The following SMIM13 variants were observed in gnomAD, a reference collection of about 807,000 sequenced individuals.
SMIM13 encodes small integral membrane protein 13, also known as UPF0766 protein C6orf228.
SMIM13 carries 3 observed loss-of-function variants against 5.9 expected under a neutral mutation model. The observed-to-expected ratio is 0.51, with a 90% CI of 0.23 to 1.31. The LOEUF is 1.31. SMIM13 is among the 40% of genes most tolerant of loss of function. The pLI is 0.18. For synonymous variants in SMIM13, 55 were observed against 46.0 expected (o/e 1.19, Z -0.79); for missense variants, 85 against 109.9 (o/e 0.77, Z 1.01).
intron 1 of SMIM13, among the ~76,000 whole-genome samples, chr6:11,123,516 G>A (rs908191150): frequency 1.3e-5 from 2 of 152,152 alleles, no homozygotes; most frequent in African/African-American, 4.8e-5. Context: ...TACCATAGAT[G>A]AATAGATTTT....
chr6:11,101,203 G>A (rs116061494), intron 1 of SMIM13, among the ~76,000 whole-genome samples: 2,238 of 152,068 alleles, frequency 0.015, 23 homozygotes, highest in Non-Finnish European at 0.024. Context: ...TTTAATTTTA[G>A]CTGTCCAGTT....
Position 11,110,772 on chromosome 6 carries a change from T to C in SMIM13, c.76+16383T>C, listed in dbSNP as rs545712302. ...AGAGGGCAACGTTTATTTGCCCTCT[T>C]GATATAAAGGAGGAACCTCTGGAGG... is the stretch of plus-strand genomic sequence containing the variant. On this transcript the variant is annotated intron_variant, in intron 1 of 1. Coordinates refer to ENST00000416247, the MANE Select transcript of SMIM13 (RefSeq NM_001135575.2). Among the ~76,000 whole-genome samples, 30 of 152,220 alleles carry C rather than the reference T, an allele frequency of 2.0e-4. No individual in the cohort carries two copies. The South Asian group carries it at 6.2e-3, about 32-fold the overall frequency.
intron 1 of SMIM13, among the ~76,000 whole-genome samples, chr6:11,108,240 T>A (rs1416183618): frequency 6.6e-6 from 1 of 152,172 alleles, no homozygotes; most frequent in Non-Finnish European, 1.5e-5. Flanking sequence ...GGAGGATAAT[T>A]GCCTGGGAAA....
At chr6:11,107,372 G>T (rs1758102450) in intron 1 of SMIM13, among the ~76,000 whole-genome samples, 1 of 152,212 alleles carries the variant, frequency 6.6e-6, no homozygotes, top group African/African-American at 2.4e-5. Context: ...GTTTGGACTA[G>T]ATGTTGGATT....
chr6:11,112,009 A>G lies in SMIM13; in HGVS notation c.76+17620A>G, dbSNP rs188829761. On this transcript the variant is annotated intron_variant, in intron 1 of 1. Coordinates refer to ENST00000416247, the MANE Select transcript of SMIM13 (RefSeq NM_001135575.2). ...TGAGCCCACTTGCCCAGCTTCGGAGATCTTATCAGGAAGTTGCTGATCACC... is the reference window on the plus strand; with the variant it reads ...TGAGCCCACTTGCCCAGCTTCGGAGGTCTTATCAGGAAGTTGCTGATCACC... Among the ~76,000 whole-genome samples, 115 of 152,144 alleles carry G rather than the reference A, an allele frequency of 7.6e-4. 1 individual carries two copies. The highest frequency in any genetic ancestry group is 2.4e-3 in the African/African-American group (101 of 41,498).
At chr6:11,131,392 T>A (rs902887146) in intron 1 of SMIM13, among the ~76,000 whole-genome samples, 6 of 151,964 alleles carry the variant, frequency 3.9e-5, no homozygotes, top group African/African-American at 1.4e-4. Context: ...CTGTCAAAAT[T>A]CTTGATGCCA....
intron 1 of SMIM13, among the ~76,000 whole-genome samples, chr6:11,108,512 T>G (rs28712814): frequency 0.22 from 32,817 of 152,064 alleles, 3,894 homozygotes; most frequent in African/African-American, 0.31. Flanking sequence ...TGGGGGTGGG[T>G]GTCCCCATCA....
chr6:11,125,103 C>A (rs941595626), intron 1 of SMIM13, among the ~76,000 whole-genome samples: 7 of 151,264 alleles, frequency 4.6e-5, no homozygotes, highest in Non-Finnish European at 7.4e-5. Context: ...CATGGTGAAA[C>A]CCCATCTCTA....
rs1415638733 is a variant in SMIM13 at position 11,136,762 on chromosome 6, T to A, written c.*2160T>A. 6.6e-6 allele frequency: 1 copy of A among 152,040 alleles called. No individual in the cohort carries two copies. Among genetic ancestry groups the A allele is most frequent in the Non-Finnish European group, 1.5e-5 (1 of 67,986 alleles). 9.4% of individuals were successfully genotyped at this position (152,040 alleles called of 1,614,324 possible). ...TAGGGCATAACAAAACAGTGACAGTTTCAAGCGTTAATTTTAATGCTTCCT... is the reference window on the plus strand; with the variant it reads ...TAGGGCATAACAAAACAGTGACAGTATCAAGCGTTAATTTTAATGCTTCCT... On this transcript the variant is annotated 3_prime_UTR_variant, in exon 2 of 2. Coordinates refer to ENST00000416247, the MANE Select transcript of SMIM13 (RefSeq NM_001135575.2).
At chr6:11,097,506 A>AAG (rs1008174339) in intron 1 of SMIM13, among the ~76,000 whole-genome samples, 2 of 151,622 alleles carry the variant, frequency 1.3e-5, no homozygotes, top group African/African-American at 4.9e-5. Flanking sequence ...AAAAAAAAAA[A>AAG]GAATACCAAA....
At chr6:11,104,790 T>A (rs1464309883) in intron 1 of SMIM13, 1 of 1,614,196 alleles carries the variant, frequency 6.2e-7, no homozygotes, top group Non-Finnish European at 8.5e-7. Flanking sequence ...ATTTGGAGGT[T>A]TGGGGAATCT....
chr6:11,121,227 C>T (rs1758305367), intron 1 of SMIM13, among the ~76,000 whole-genome samples: 1 of 152,174 alleles, frequency 6.6e-6, no homozygotes, highest in African/African-American at 2.4e-5. Flanking sequence ...CTTTGCCCCT[C>T]ACCTCTCCTT....
intron 1 of SMIM13, among the ~76,000 whole-genome samples, chr6:11,112,316 A>G (rs576333440): frequency 3.3e-5 from 5 of 152,072 alleles, no homozygotes; most frequent in Admixed American, 2.6e-4. Context: ...CAGTGATGCA[A>G]TCTTGGCTCA....
chr6:11,093,849 G>A lies in SMIM13; in HGVS notation c.-465G>A, dbSNP rs922568242. Among the ~76,000 whole-genome samples the A allele has an allele frequency of 2.6e-5, 4 of 152,250 alleles. No individual in the cohort carries two copies. The highest frequency in any genetic ancestry group is 2.9e-5 in the Non-Finnish European group (2 of 68,042). On this transcript the variant is annotated 5_prime_UTR_variant, in exon 1 of 2. Transcript: ENST00000416247. ...GGCCTGGGGCGGAGAAGCCGCTACA[G>A]CCGCGGCCGGGCGACGCTGACATCT...
intron 1 of SMIM13, among the ~76,000 whole-genome samples, chr6:11,109,420 G>A (rs1382731964): frequency 6.6e-6 from 1 of 152,168 alleles, no homozygotes; most frequent in Non-Finnish European, 1.5e-5. Context: ...GGGAGGAGAA[G>A]GCTTCTGGGA....
intron 1 of SMIM13, among the ~76,000 whole-genome samples, chr6:11,132,262 G>A (rs1758459316): frequency 6.6e-6 from 1 of 152,104 alleles, no homozygotes; most frequent in Non-Finnish European, 1.5e-5. Flanking sequence ...AAAAAAGATG[G>A]ACAATAAAAA....
intron 1 of SMIM13, among the ~76,000 whole-genome samples, chr6:11,119,420 C>T (rs575513319): frequency 6.6e-5 from 10 of 152,004 alleles, no homozygotes; most frequent in Admixed American, 1.3e-4. Flanking sequence ...TTTGGGAAGC[C>T]GAGACAGGCG....
intron 1 of SMIM13, chr6:11,105,675 G>A (rs891710081): frequency 2.0e-5 from 4 of 195,842 alleles, no homozygotes; most frequent in African/African-American, 9.5e-5. Flanking sequence ...CTTTCAAATA[G>A]GAGTTTGTTG....
At chr6:11,094,501 T>G in intron 1 of SMIM13, 112 bp downstream of exon 1, 1 of 839,960 alleles carries the variant, frequency 1.2e-6, no homozygotes, top group Non-Finnish European at 1.8e-6. Context: ...GGACGGACAA[T>G]TGTCTTAAAA....
Sources: gnomAD v4.1 joint callset for allele counts (sites outside exome capture counted in the v4.1 genomes callset) on GRCh38, gnomAD v4.1.1 for gene constraint, MANE v1.5 for transcripts, NCBI Gene and HGNC (gene_info 2026-07-23, HGNC 2026-07-21) for gene names.